ZFTRAF1: variants seen among roughly 807,000 people sequenced by gnomAD.
The protein encoded by ZFTRAF1 is zinc finger TRAF-type-containing protein 1.
chr8:144,453,689 C>T, the ZFTRAF1 span: 1 of 546,182 alleles, frequency 1.8e-6, no homozygotes, highest in South Asian at 2.2e-5. Flanking sequence ...GTCCTAAAAG[C>T]AAGGCCTCAT....
the ZFTRAF1 span, chr8:144,452,279 G>T: frequency 6.8e-7 from 1 of 1,472,210 alleles, no homozygotes; most frequent in Non-Finnish European, 9.2e-7. Flanking sequence ...AGTGCCCAGA[G>T]CCTGCTGCCC....
At chr8:144,459,548 G>C in the ZFTRAF1 span, among the ~76,000 whole-genome samples, 4 of 152,374 alleles carry the variant, frequency 2.6e-5, no homozygotes, top group Admixed American at 2.6e-4. Flanking sequence ...TACGGGCACA[G>C]GCCCATGGGT....
chr8:144,462,166 G>C, the ZFTRAF1 span: 2 of 370,832 alleles, frequency 5.4e-6, no homozygotes, highest in Non-Finnish European at 9.6e-6. Context: ...GGCCAGAGAG[G>C]GTTCCCGGCC....
At chr8:144,461,738 G>A in the ZFTRAF1 span, among the ~76,000 whole-genome samples, 1 of 152,186 alleles carries the variant, frequency 6.6e-6, no homozygotes, top group Non-Finnish European at 1.5e-5. Flanking sequence ...GGATGAACTG[G>A]AAATGGACCA....
chr8:144,461,972 G>A, the ZFTRAF1 span, among the ~76,000 whole-genome samples: 1 of 152,168 alleles, frequency 6.6e-6, no homozygotes, highest in Non-Finnish European at 1.5e-5. Context: ...TCAGGGGACC[G>A]TGGGGAAGTC....
At chr8:144,456,972 A>C in the ZFTRAF1 span, 1 of 142,602 alleles carries the variant, frequency 7.0e-6, no homozygotes, top group Non-Finnish European at 1.5e-5. Context: ...CATCAAAGGG[A>C]GTATTGACAT....
At chr8:144,453,326 G>T in the ZFTRAF1 span, 3 of 1,551,206 alleles carry the variant, frequency 1.9e-6, no homozygotes, top group Admixed American at 3.9e-5. Flanking sequence ...CTTTCTCCAC[G>T]GCCAGGTTCC....
chr8:144,461,517 G>A, the ZFTRAF1 span, among the ~76,000 whole-genome samples: 1 of 151,210 alleles, frequency 6.6e-6, no homozygotes, highest in Non-Finnish European at 1.5e-5. Context: ...ATGTGAAGAT[G>A]GGGGAGGAGG....
the ZFTRAF1 span, chr8:144,453,464 CGAA>C: frequency 2.6e-6 from 4 of 1,545,652 alleles, no homozygotes; most frequent in Non-Finnish European, 3.5e-6. Context: ...TAGTACACTG[CGAA>C]GAAGGAAAGG....
At chr8:144,458,079 C>T in the ZFTRAF1 span, among the ~76,000 whole-genome samples, 41 of 152,380 alleles carry the variant, frequency 2.7e-4, no homozygotes, top group African/African-American at 7.0e-4. Flanking sequence ...CCATGCACCC[C>T]GCGTGCTCGG....
chr8:144,454,980 A>G, the ZFTRAF1 span: 2 of 152,242 alleles, frequency 1.3e-5, no homozygotes, highest in African/African-American at 2.4e-5. Flanking sequence ...CCACATGAAC[A>G]CCACCCGTTA....
the ZFTRAF1 span, among the ~76,000 whole-genome samples, chr8:144,459,018 C>T: frequency 1.3e-5 from 2 of 152,262 alleles, no homozygotes; most frequent in Non-Finnish European, 2.9e-5. Flanking sequence ...CCCAGGGCCT[C>T]ATCTGACAGC....
the ZFTRAF1 span, chr8:144,453,377 G>A: frequency 2.6e-6 from 4 of 1,551,188 alleles, no homozygotes; most frequent in Middle Eastern, 5.0e-4. Flanking sequence ...GACAATTGGG[G>A]CACGTGGCCT....
the ZFTRAF1 span, chr8:144,455,171 C>T: frequency 6.6e-6 from 1 of 152,128 alleles, no homozygotes; most frequent in East Asian, 1.9e-4. Flanking sequence ...AAAAATTAGC[C>T]ATGCATGGTG....
chr8:144,450,745 T>C, the ZFTRAF1 span: 2 of 705,676 alleles, frequency 2.8e-6, no homozygotes, highest in Non-Finnish European at 2.7e-6. Context: ...TGAAGTCGTC[T>C]GTGCGGTACG....
At chr8:144,459,999 C>T in the ZFTRAF1 span, among the ~76,000 whole-genome samples, 12 of 152,314 alleles carry the variant, frequency 7.9e-5, no homozygotes, top group African/African-American at 2.6e-4. Context: ...ACCAGGGACA[C>T]GCAGAAGGCA....
the ZFTRAF1 span, chr8:144,450,972 C>T: frequency 1.7e-6 from 1 of 573,508 alleles, no homozygotes; most frequent in Non-Finnish European, 3.1e-6. Context: ...GGAACAACCA[C>T]AAACAGAATC....
At chr8:144,459,468 G>A in the ZFTRAF1 span, among the ~76,000 whole-genome samples, 2 of 152,370 alleles carry the variant, frequency 1.3e-5, no homozygotes, top group African/African-American at 2.4e-5. Flanking sequence ...CTCGGCGGTG[G>A]CGGAAACCTT....
chr8:144,452,049 G>A, the ZFTRAF1 span: 4 of 430,918 alleles, frequency 9.3e-6, no homozygotes, highest in Non-Finnish European at 8.8e-6. Flanking sequence ...CTGTCTTGAG[G>A]CTCTGGAGCC....
Sources: allele counts gnomAD v4.1 joint callset (sites outside exome capture counted in the v4.1 genomes callset), GRCh38; gene constraint gnomAD v4.1.1; transcripts MANE v1.5; gene names NCBI Gene and HGNC (gene_info 2026-07-23, HGNC 2026-07-21).